Variants in SPATA6 observed in about 807,000 individuals in gnomAD.
SPATA6 encodes the protein spermatogenesis associated 6, also known as spermatogenesis-associated protein 6.
In SPATA6, 56 loss-of-function variants were observed where a neutral mutation model predicts 65.3. The ratio of observed to expected loss-of-function variants is 0.86; its 90% confidence interval spans 0.69 to 1.07. The LOEUF (loss-of-function observed/expected upper bound fraction) is 1.07, where lower values mean the gene tolerates loss of function less well. Ranked by LOEUF, SPATA6 falls within the 50% of genes least tolerant of loss-of-function variation. SPATA6 has a pLI of 0.00. For synonymous variants in SPATA6, 199 were observed against 213.2 expected (o/e 0.93, Z 0.58); for missense variants, 590 against 594.8 (o/e 0.99, Z 0.08).
chr1:48,424,370 T>C (rs1653641825), intron 3 of SPATA6, among the ~76,000 whole-genome samples: 1 of 152,258 alleles, frequency 6.6e-6, no homozygotes, highest in South Asian at 2.1e-4. Flanking sequence ...ATTGAGTAAA[T>C]GTATACTTTA....
intron 8 of SPATA6, among the ~76,000 whole-genome samples, chr1:48,388,458 AG>A (rs973856470): frequency 6.6e-6 from 1 of 152,220 alleles, no homozygotes; most frequent in Non-Finnish European, 1.5e-5. Flanking sequence ...ACACCTCCAA[AG>A]GAACAAAATA....
chr1:48,457,081 T>C (rs1285150639), intron 1 of SPATA6, among the ~76,000 whole-genome samples: 1 of 148,892 alleles, frequency 6.7e-6, no homozygotes, highest in Non-Finnish European at 1.5e-5. Context: ...AAAAAAAAAT[T>C]TAAAACTTTT....
At chr1:48,455,214 C>T (rs1426266322) in intron 1 of SPATA6, among the ~76,000 whole-genome samples, 2 of 152,046 alleles carry the variant, frequency 1.3e-5, no homozygotes, top group Non-Finnish European at 2.9e-5. Flanking sequence ...ACTAGTCTAA[C>T]TTAAGAAGGG....
At chr1:48,328,548 A>T (rs895810703) in intron 11 of SPATA6, among the ~76,000 whole-genome samples, 1 of 152,176 alleles carries the variant, frequency 6.6e-6, no homozygotes, top group Non-Finnish European at 1.5e-5. Flanking sequence ...TGAAATGTGC[A>T]GAATGGGCAT....
At chr1:48,294,464 G>T (rs1473047937), downstream of SPATA6, among the ~76,000 whole-genome samples, 1 of 152,114 alleles carries the variant, frequency 6.6e-6, no homozygotes, top group Non-Finnish European at 1.5e-5. Context: ...ATTACTTGAG[G>T]TCCAGCACTC....
At chr1:48,343,000 T>TG (rs1646263005) in intron 11 of SPATA6, among the ~76,000 whole-genome samples, 1 of 152,166 alleles carries the variant, frequency 6.6e-6, no homozygotes, top group African/African-American at 2.4e-5. Context: ...AGTTGGTATC[T>TG]GCATCTGTGG....
In SPATA6 at chr1:48,337,818, T is replaced by C. The variant is rs116554792; in HGVS notation, c.1194+17852A>G. Among the ~76,000 whole-genome samples the C allele has an allele frequency of 2.4e-3, 371 of 152,042 alleles. 3 individuals carry two copies. The highest frequency in any genetic ancestry group is 8.5e-3 in the African/African-American group (352 of 41,548). ...ATGAAATGAAAACTATGTCAAATTATTGGTGGAAATTAAAGATCTAAATTA... is the reference window on the plus strand; with the variant it reads ...ATGAAATGAAAACTATGTCAAATTACTGGTGGAAATTAAAGATCTAAATTA... On this transcript the variant is annotated intron_variant, in intron 11 of 12. Coordinates refer to ENST00000371847, the MANE Select transcript of SPATA6 (RefSeq NM_019073.4).
Position 48,411,579 on chromosome 1 carries a change from G to C in SPATA6, c.290C>G (p.Thr97Arg). ...LIQLVPPVGETLSTYDENTRD... is the reference protein window; with the variant it reads ...LIQLVPPVGERLSTYDENTRD... ...TGTATTTTCGTCATACGTAGACAGT[G>C]TTTCACCCACTACAAGAAAGATACC... The change falls in exon 5 of 13, where the codon ACA (threonine) becomes AGA (arginine). Residue 97 changes from threonine to arginine, a missense_variant. Physicochemically the swap from Thr to Arg is moderately conservative, Grantham distance 71. Transcript: ENST00000371847. 6.3e-7 allele frequency: 1 copy of C among 1,585,788 alleles called. No homozygotes were observed. The highest frequency in any genetic ancestry group is 8.6e-7 in the Non-Finnish European group (1 of 1,167,564).
intron 1 of SPATA6, among the ~76,000 whole-genome samples, chr1:48,466,038 A>C (rs1448148280): frequency 6.6e-6 from 1 of 152,120 alleles, no homozygotes; most frequent in Non-Finnish European, 1.5e-5. Context: ...AGGACTCCCC[A>C]ACCACTGTGA....
chr1:48,299,101 G>C (rs972575880), intron 12 of SPATA6, among the ~76,000 whole-genome samples: 2 of 152,088 alleles, frequency 1.3e-5, no homozygotes, highest in African/African-American at 4.8e-5. Flanking sequence ...TTATAAAACA[G>C]TAAAATGAAA....
chr1:48,303,037 G>A (rs1644977924), intron 12 of SPATA6, among the ~76,000 whole-genome samples: 1 of 152,080 alleles, frequency 6.6e-6, no homozygotes, highest in Non-Finnish European at 1.5e-5. Flanking sequence ...GAACTTTTGT[G>A]CCATGGAGCT....
chr1:48,431,579 T>C (rs1172168421), intron 3 of SPATA6, among the ~76,000 whole-genome samples: 1 of 152,146 alleles, frequency 6.6e-6, no homozygotes. Flanking sequence ...ATATACAAAG[T>C]ATATTCTCTA....
intron 1 of SPATA6, among the ~76,000 whole-genome samples, chr1:48,469,053 A>C (rs1173501068): frequency 6.6e-6 from 1 of 152,112 alleles, no homozygotes; most frequent in African/African-American, 2.4e-5. Flanking sequence ...CTACAGCTTC[A>C]AACTCCTGGG....
intron 11 of SPATA6, 109 bp from the exon 12 acceptor site, chr1:48,305,987 T>A (rs1645052752): frequency 1.3e-6 from 1 of 759,278 alleles, no homozygotes. Flanking sequence ...TTTTAATTCA[T>A]AAGAAAGGGA....
intron 11 of SPATA6, chr1:48,325,096 T>G: frequency 2.3e-6 from 1 of 441,192 alleles, no homozygotes; most frequent in Non-Finnish European, 4.3e-6. Flanking sequence ...GTAAGGAAGA[T>G]GTGGGCTTCT....
At chr1:48,384,076 G>A (rs1188858917) in intron 9 of SPATA6, among the ~76,000 whole-genome samples, 1 of 150,252 alleles carries the variant, frequency 6.7e-6, no homozygotes, top group South Asian at 2.1e-4. Context: ...GACTCCATCT[G>A]CAATCCCGGC....
intron 2 of SPATA6, among the ~76,000 whole-genome samples, 183 bp from the exon 3 acceptor site, chr1:48,451,783 C>T (rs891304370): frequency 2.0e-5 from 3 of 152,146 alleles, no homozygotes; most frequent in African/African-American, 4.8e-5. Context: ...GCTTGTGCTG[C>T]CTCCGTCTCC....
intron 3 of SPATA6, among the ~76,000 whole-genome samples, chr1:48,451,230 TC>T (rs1239472570): frequency 6.6e-6 from 1 of 152,124 alleles, no homozygotes; most frequent in Non-Finnish European, 1.5e-5. Context: ...CAGGGGAAAA[TC>T]TCAACTAACA....
intron 8 of SPATA6, chr1:48,393,436 A>T (rs1430220982): frequency 6.6e-6 from 1 of 152,166 alleles, no homozygotes; most frequent in Non-Finnish European, 1.5e-5. Context: ...AAGACTAAGG[A>T]ACTAATCCAT....
Sources: allele counts gnomAD v4.1 joint callset (sites outside exome capture counted in the v4.1 genomes callset), GRCh38; gene constraint gnomAD v4.1.1; transcripts MANE v1.5; gene names NCBI Gene and HGNC (gene_info 2026-07-23, HGNC 2026-07-21).